Variants in NAALADL2 observed in about 807,000 individuals in gnomAD.
NAALADL2 encodes inactive N-acetylated-alpha-linked acidic dipeptidase-like protein 2.
In NAALADL2, 76 loss-of-function variants were observed where a neutral mutation model predicts 87.2. The ratio of observed to expected loss-of-function variants is 0.87; its 90% CI spans 0.72 to 1.05. The LOEUF (loss-of-function observed/expected upper bound fraction) is 1.05. NAALADL2 is among the 50% of genes least tolerant of loss of function. The probability of loss-of-function intolerance (pLI) is 0.00; values close to 1 mark genes in which losing one functional copy is unlikely to be tolerated. For synonymous variants in NAALADL2, 354 were observed against 331.0 expected (o/e 1.07, Z -0.75); for missense variants, 1,089 against 945.8 (o/e 1.15, Z -1.99).
chr3:175,628,119 A>G (rs896645751), intron 11 of NAALADL2, among the ~76,000 whole-genome samples: 1 of 151,706 alleles, frequency 6.6e-6, no homozygotes, highest in African/African-American at 2.4e-5. Context: ...TGGTTCAAAA[A>G]CACTACGCAT....
chr3:175,319,071 A>G (rs1759510447), intron 4 of NAALADL2, among the ~76,000 whole-genome samples: 1 of 151,968 alleles, frequency 6.6e-6, no homozygotes, highest in East Asian at 1.9e-4. Flanking sequence ...TAAACATTAG[A>G]CTCTCCCTCC....
At chr3:174,970,665 T>A (rs564462642) in intron 1 of NAALADL2, among the ~76,000 whole-genome samples, 20 of 152,316 alleles carry the variant, frequency 1.3e-4, no homozygotes, top group Non-Finnish European at 2.2e-4. Flanking sequence ...TTAATTGTAA[T>A]ATGTTGTTCT....
At chr3:174,543,938 G>A (rs1041096895) in intron 1 of NAALADL2, among the ~76,000 whole-genome samples, 2 of 151,852 alleles carry the variant, frequency 1.3e-5, no homozygotes, top group Non-Finnish European at 1.5e-5. Flanking sequence ...AGCCCAGGGG[G>A]CAGAGGTTGC....
intron 2 of NAALADL2, among the ~76,000 whole-genome samples, chr3:174,595,642 T>C (rs1239447660): frequency 6.6e-6 from 1 of 152,182 alleles, no homozygotes; most frequent in East Asian, 1.9e-4. Context: ...CCCCTTTCTT[T>C]CCACTATAAA....
At chr3:174,968,770 C>A (rs1378927244) in intron 1 of NAALADL2, among the ~76,000 whole-genome samples, 1 of 152,176 alleles carries the variant, frequency 6.6e-6, no homozygotes, top group Non-Finnish European at 1.5e-5. Context: ...AGCCACTGCG[C>A]CCAGCCCTAA....
At chr3:175,148,085 GATA>G (rs777909114) in intron 2 of NAALADL2, among the ~76,000 whole-genome samples, 51 of 110,344 alleles carry the variant, frequency 4.6e-4, no homozygotes, top group African/African-American at 1.3e-3. Flanking sequence ...TAATAATAAT[GATA>G]ATGATAATAA....
At chr3:175,344,996 A>T (rs767394751) in intron 5 of NAALADL2, among the ~76,000 whole-genome samples, 2 of 152,140 alleles carry the variant, frequency 1.3e-5, no homozygotes, top group Non-Finnish European at 2.9e-5. Context: ...TAGTACCCCA[A>T]ATCATACAGA....
At chr3:175,055,822 C>A (rs1712024627) in intron 1 of NAALADL2, among the ~76,000 whole-genome samples, 1 of 152,186 alleles carries the variant, frequency 6.6e-6, no homozygotes, top group Non-Finnish European at 1.5e-5. Flanking sequence ...TTTCCTTTAT[C>A]CACTCTCAGT....
At chr3:175,369,172 G>A (rs1766102205) in intron 5 of NAALADL2, among the ~76,000 whole-genome samples, 1 of 152,132 alleles carries the variant, frequency 6.6e-6, no homozygotes, top group South Asian at 2.1e-4. Context: ...TCATGTATGT[G>A]ATTTGTTCTT....
chr3:175,342,476 T>A (rs1581499461), intron 5 of NAALADL2, among the ~76,000 whole-genome samples: 1 of 151,678 alleles, frequency 6.6e-6, no homozygotes, highest in Non-Finnish European at 1.5e-5. Context: ...TTAAGCTGAT[T>A]ACTCCCTCCT....
At chr3:174,976,023 T>A (rs1744310471) in intron 1 of NAALADL2, among the ~76,000 whole-genome samples, 1 of 152,164 alleles carries the variant, frequency 6.6e-6, no homozygotes, top group Admixed American at 6.5e-5. Context: ...TGCTGCTAAG[T>A]CTGTGGTAAT....
At chr3:174,735,836 G>A (rs986270085) in intron 2 of NAALADL2, among the ~76,000 whole-genome samples, 8 of 152,176 alleles carry the variant, frequency 5.3e-5, no homozygotes, top group Admixed American at 3.3e-4. Flanking sequence ...CCAGAGTTTT[G>A]CTCAGGTCCA....
intron 2 of NAALADL2, among the ~76,000 whole-genome samples, chr3:174,645,975 C>T (rs375435510): frequency 2.6e-5 from 4 of 152,242 alleles, no homozygotes; most frequent in African/African-American, 9.6e-5. Context: ...ACAGGTAACA[C>T]AAGCTTTCAT....
intron 4 of NAALADL2, among the ~76,000 whole-genome samples, chr3:175,313,906 TA>T (rs1758701453): frequency 6.6e-6 from 1 of 151,356 alleles, no homozygotes; most frequent in South Asian, 2.1e-4. Flanking sequence ...CTACTAAAAA[TA>T]AAAAACTAGC....
intron 13 of NAALADL2, among the ~76,000 whole-genome samples, chr3:175,766,779 C>G (rs1255158629): frequency 6.6e-6 from 1 of 152,126 alleles, no homozygotes; most frequent in Non-Finnish European, 1.5e-5. Context: ...CATAATGAAA[C>G]TAAAGTTTCC....
intron 3 of NAALADL2, among the ~76,000 whole-genome samples, chr3:174,757,002 T>G (rs1373097983): frequency 1.3e-5 from 2 of 152,200 alleles, no homozygotes; most frequent in Non-Finnish European, 2.9e-5. Flanking sequence ...GTCTCTGTAA[T>G]GCCTGCAGTT....
chr3:175,193,511 G>A (rs1056916547), intron 2 of NAALADL2, among the ~76,000 whole-genome samples: 2 of 151,480 alleles, frequency 1.3e-5, no homozygotes, highest in Admixed American at 6.6e-5. Flanking sequence ...ATACTGTTAC[G>A]GCCCCCTTTT....
At chr3:174,566,046 C>T (rs1332059336) in intron 2 of NAALADL2, among the ~76,000 whole-genome samples, 1 of 151,284 alleles carries the variant, frequency 6.6e-6, no homozygotes, top group Non-Finnish European at 1.5e-5. Context: ...TTTTTTATTC[C>T]ATTTTCTCCA....
chr3:174,795,061 G>A (rs540580057), intron 3 of NAALADL2, among the ~76,000 whole-genome samples: 4 of 132,376 alleles, frequency 3.0e-5, no homozygotes, highest in Admixed American at 2.8e-4. Context: ...GCATGATCTC[G>A]GCACACCACA....
Sources: gnomAD v4.1 joint callset for allele counts (sites outside exome capture counted in the v4.1 genomes callset) on GRCh38, gnomAD v4.1.1 for gene constraint, MANE v1.5 for transcripts, NCBI Gene and HGNC (gene_info 2026-07-23, HGNC 2026-07-21) for gene names.